TMEM207: variants seen among roughly 807,000 people sequenced by gnomAD.
The protein encoded by TMEM207 is transmembrane protein 207.
In TMEM207, 15 loss-of-function variants were observed where a neutral mutation model predicts 17.4. The ratio of observed to expected loss-of-function variants is 0.86; its 90% CI spans 0.58 to 1.33. The LOEUF is 1.33. Among genes scored for constraint, TMEM207 ranks in the 40% most tolerant of loss-of-function variants. TMEM207 has a pLI of 0.00. For synonymous variants in TMEM207, 70 were observed against 65.6 expected (o/e 1.07, Z -0.33); for missense variants, 205 against 173.8 (o/e 1.18, Z -1.01).
chr3:190,447,175 G>A (rs1411514243), intron 2 of TMEM207, among the ~76,000 whole-genome samples: 11 of 152,080 alleles, frequency 7.2e-5, no homozygotes, highest in Admixed American at 7.2e-4. Flanking sequence ...GGAGAAGATA[G>A]TGCTGGGTGG....
chr3:190,446,280 A>T (rs975649762), intron 2 of TMEM207, among the ~76,000 whole-genome samples: 2 of 152,182 alleles, frequency 1.3e-5, no homozygotes, highest in African/African-American at 4.8e-5. Flanking sequence ...GTATAAATAT[A>T]GTTAGAGAAA....
intron 4 of TMEM207, among the ~76,000 whole-genome samples, chr3:190,439,467 G>A (rs767895083): frequency 5.3e-5 from 8 of 152,180 alleles, no homozygotes; most frequent in Admixed American, 2.6e-4. Context: ...CGAGGTAACT[G>A]TAGTGTGTAA....
chr3:190,443,385 C>T (rs1227995159), intron 2 of TMEM207, among the ~76,000 whole-genome samples: 1 of 151,698 alleles, frequency 6.6e-6, no homozygotes, highest in Non-Finnish European at 1.5e-5. Context: ...AACAATTTTC[C>T]AAACCAACTT....
intron 2 of TMEM207, among the ~76,000 whole-genome samples, chr3:190,445,877 C>T (rs764429823): frequency 2.6e-5 from 4 of 152,114 alleles, no homozygotes; most frequent in African/African-American, 9.7e-5. Context: ...CAAATTGTTT[C>T]GCACAATTCT....
rs374013258 is a variant in TMEM207, at chr3:190,440,229, G to A, written c.304+15C>T. 16 of 1,609,006 alleles carry A rather than the reference G, an allele frequency of 9.9e-6. No individual in the cohort carries two copies. Among genetic ancestry groups the A allele is most frequent in the Admixed American group, 3.4e-5 (2 of 58,676 alleles). On this transcript the variant is annotated intron_variant, in intron 4 of 4. Coordinates refer to ENST00000354905, the MANE Select transcript of TMEM207 (RefSeq NM_207316.3). ...AAGTATCAAAAAAGAGTCCAGAAGCGTGCAGACAACTCACCATAAATAGAG... is the reference window on the plus strand; with the variant it reads ...AAGTATCAAAAAAGAGTCCAGAAGCATGCAGACAACTCACCATAAATAGAG...
intron 4 of TMEM207, among the ~76,000 whole-genome samples, chr3:190,433,276 C>A (rs1560105780): frequency 6.6e-6 from 1 of 152,030 alleles, no homozygotes; most frequent in Non-Finnish European, 1.5e-5. Context: ...TTCAGCATCA[C>A]AACTTTATTT....
chr3:190,449,767 T>C lies in TMEM207; in HGVS notation c.43A>G (p.Thr15Ala). 1.2e-6 allele frequency: 2 copies of C among 1,613,780 alleles called. No homozygotes were observed. The highest frequency in any genetic ancestry group is 2.2e-5 in the South Asian group (2 of 91,056). The change falls in exon 1 of 5, where the codon ACG (threonine) becomes GCG (alanine). Residue 15 changes from threonine to alanine, a missense_variant. Coordinates refer to ENST00000354905, the MANE Select transcript of TMEM207 (RefSeq NM_207316.3). ...RLFSVTSAIS[T>A]IGILCLPLFQ... ...AGCGGCAAACACAAGATCCCTATCG[T>C]TGAGATCGCTGAGGTGACACTGAAA... is the stretch of plus-strand genomic sequence containing the variant.
In TMEM207 at chr3:190,440,317, C is replaced by A; in HGVS notation, c.231G>T (p.Leu77=). The A allele has an allele frequency of 1.2e-6, 2 of 1,614,140 alleles. No individual in the cohort carries two copies. The highest frequency in any genetic ancestry group is 1.7e-6 in the Non-Finnish European group (2 of 1,180,026). Residue 77 remains leucine (L), a synonymous_variant, in exon 4 of 5, where the codon CTG becomes CTT. Transcript: ENST00000354905. ...TGTGAGAATCAATTCGGGGTCTCCTCAGCCAGCACTGGAGGCAGAGGACCA... is the reference window on the plus strand; with the variant it reads ...TGTGAGAATCAATTCGGGGTCTCCTAAGCCAGCACTGGAGGCAGAGGACCA... ...GAVVLCLQCW[L]RRPRIDSHRR...
chr3:190,435,644 C>T (rs974647757), intron 4 of TMEM207, among the ~76,000 whole-genome samples: 1 of 151,978 alleles, frequency 6.6e-6, no homozygotes, highest in East Asian at 1.9e-4. Flanking sequence ...CAAAGACTTT[C>T]GAGAAGCCCC....
intron 4 of TMEM207, among the ~76,000 whole-genome samples, chr3:190,435,883 A>G (rs1719794420): frequency 1.3e-5 from 2 of 152,228 alleles, no homozygotes; most frequent in Admixed American, 1.3e-4. Context: ...ACATACCTTT[A>G]TAAGGATCCA....
intron 4 of TMEM207, among the ~76,000 whole-genome samples, chr3:190,431,087 TAAGTC>T (rs1458398182): frequency 6.6e-6 from 1 of 152,188 alleles, no homozygotes; most frequent in African/African-American, 2.4e-5. Context: ...CAAAGACTAA[TAAGTC>T]AAGTATGTAA....
rs111585339 is a variant in TMEM207 at position 190,444,304 on chromosome 3, C to A, written c.114-2822G>T. The A allele has an allele frequency of 6.6e-6, 3 of 453,342 alleles. No homozygotes were observed. The Admixed American group carries it at 1.9e-4, about 29-fold the overall frequency. The allele number at this position is 453,342 out of a possible 1,614,324, so 28.1% of individuals were successfully genotyped here. ...AGTCACAGAGCCATTAAGTAACTTG[C>A]GCAAGTTAGCATAGCTGGAAGTGGT... On this transcript the variant is annotated intron_variant, in intron 2 of 4. Coordinates refer to ENST00000354905, the MANE Select transcript of TMEM207 (RefSeq NM_207316.3).
chr3:190,448,266 G>A (rs1209511790), intron 1 of TMEM207, among the ~76,000 whole-genome samples: 1 of 151,918 alleles, frequency 6.6e-6, no homozygotes, highest in African/African-American at 2.4e-5. Context: ...AAGCCTATTA[G>A]CATTAATGGG....
At chr3:190,448,439 A>G (rs572039058) in intron 1 of TMEM207, among the ~76,000 whole-genome samples, 1 of 152,242 alleles carries the variant, frequency 6.6e-6, no homozygotes, top group African/African-American at 2.4e-5. Context: ...CCAATACTAT[A>G]AGCATTCTAA....
At chr3:190,446,838 A>G (rs977624982) in intron 2 of TMEM207, among the ~76,000 whole-genome samples, 1 of 152,214 alleles carries the variant, frequency 6.6e-6, no homozygotes, top group Non-Finnish European at 1.5e-5. Context: ...AGGAGATAAG[A>G]TAAGGGCAGC....
intron 2 of TMEM207, 123 bp from the exon 3 acceptor site, chr3:190,441,605 A>T: frequency 1.4e-6 from 1 of 720,128 alleles, no homozygotes; most frequent in South Asian, 1.8e-5. Context: ...ATATTCCCAT[A>T]CCAGCCCATA....
chr3:190,430,253 T>A (rs991154443), intron 4 of TMEM207, among the ~76,000 whole-genome samples: 2 of 152,174 alleles, frequency 1.3e-5, no homozygotes, highest in East Asian at 3.9e-4. Flanking sequence ...ATAAAGAGAA[T>A]ATATTCTAAA....
At chr3:190,436,454 G>T (rs1156369071) in intron 4 of TMEM207, among the ~76,000 whole-genome samples, 2 of 152,174 alleles carry the variant, frequency 1.3e-5, no homozygotes, top group Non-Finnish European at 2.9e-5. Context: ...AAATTCAGAA[G>T]CACAGTCCCA....
chr3:190,442,714 G>A (rs1719960768), intron 2 of TMEM207, among the ~76,000 whole-genome samples: 1 of 151,664 alleles, frequency 6.6e-6, no homozygotes, highest in Non-Finnish European at 1.5e-5. Flanking sequence ...ACTTTGAAAA[G>A]CATCCTAAGA....
Sources: gnomAD v4.1 joint callset for allele counts (sites outside exome capture counted in the v4.1 genomes callset) on GRCh38, gnomAD v4.1.1 for gene constraint, MANE v1.5 for transcripts, NCBI Gene and HGNC (gene_info 2026-07-23, HGNC 2026-07-21) for gene names.